Variants in AGPS observed in about 807,000 individuals in gnomAD.
AGPS encodes alkylglycerone phosphate synthase.
Under a neutral mutation model 90.7 loss-of-function variants are expected in AGPS, and 26 were observed. The ratio of observed to expected loss-of-function variants is 0.29; its 90% CI spans 0.21 to 0.40. AGPS has a LOEUF of 0.40. Among genes scored for constraint, AGPS ranks in the 10% least tolerant of loss-of-function variants. The probability of loss-of-function intolerance (pLI) is 1.00; values close to 1 mark genes in which losing one functional copy is unlikely to be tolerated. For missense variants in AGPS, 540 were observed against 816.1 expected, an observed-to-expected ratio of 0.66 and a Z score of 4.12; for synonymous variants, 294 against 285.3, an observed-to-expected ratio of 1.03 and a Z score of -0.31.
chr2:177,405,399 T>A (rs1276602878), intron 1 of AGPS, among the ~76,000 whole-genome samples: 3 of 152,254 alleles, frequency 2.0e-5, no homozygotes, highest in African/African-American at 7.2e-5. Context: ...ATCTGCTCAT[T>A]GTTTTTGATG....
intron 1 of AGPS, among the ~76,000 whole-genome samples, chr2:177,403,721 C>A (rs557284562): frequency 2.6e-5 from 4 of 152,280 alleles, no homozygotes; most frequent in Admixed American, 1.3e-4. Flanking sequence ...TGAGGTCACG[C>A]CATAATAATG....
In AGPS at chr2:177,462,666, G is replaced by GA. The variant is rs573932961; in HGVS notation, c.996+657dup. ...ACCAAATGCAGCTCAAAAATATTTG[G>GA]AAAAAAAAATAACAATACCACAAGG... is the stretch of plus-strand genomic sequence containing the variant. On this transcript the variant is annotated intron_variant, in intron 9 of 19. Coordinates refer to ENST00000264167, the MANE Select transcript of AGPS (RefSeq NM_003659.4). Among the ~76,000 whole-genome samples the GA allele has an allele frequency of 6.7e-3, 983 of 147,458 alleles. 9 individuals carry two copies. Among genetic ancestry groups the GA allele is most frequent in the African/African-American group, 0.023 (942 of 40,172 alleles).
intron 1 of AGPS, among the ~76,000 whole-genome samples, chr2:177,396,091 G>A: frequency 7.3e-6 from 1 of 136,546 alleles, no homozygotes; most frequent in Non-Finnish European, 1.6e-5. Context: ...GGGTGGGAGG[G>A]TGGGGGTGGT....
intron 1 of AGPS, among the ~76,000 whole-genome samples, chr2:177,416,657 C>T (rs1381284555): frequency 6.6e-6 from 1 of 152,010 alleles, no homozygotes; most frequent in Non-Finnish European, 1.5e-5. Context: ...TCCTGAGCAC[C>T]TGGGACTACA....
At chr2:177,448,718 A>T (rs1290382363) in intron 8 of AGPS, among the ~76,000 whole-genome samples, 1 of 152,204 alleles carries the variant, frequency 6.6e-6, no homozygotes, top group African/African-American at 2.4e-5. Context: ...AATGTGTACA[A>T]TTTGATAAGT....
intron 10 of AGPS, among the ~76,000 whole-genome samples, chr2:177,473,887 G>A (rs1030880560): frequency 6.6e-6 from 1 of 152,180 alleles, no homozygotes; most frequent in Non-Finnish European, 1.5e-5. Flanking sequence ...GTAATGCAAT[G>A]CCTCGTTTTA....
rs777992602 is a variant in AGPS, at chr2:177,468,509, A to G, written c.1090A>G (p.Ile364Val). Reference sequence around the variant, plus strand: ...AACAGGCCCTGATATCCATCACTTCATCATGGGATCTGAAGGTAAATATAA... The same window carrying G: ...AACAGGCCCTGATATCCATCACTTCGTCATGGGATCTGAAGGTAAATATAA... Reference protein sequence around the residue: ...MSTGPDIHHFIMGSEGTLGVI... With the variant: ...MSTGPDIHHFVMGSEGTLGVI... The change falls in exon 10 of 20, where the codon ATC becomes GTC. Residue 364 changes from isoleucine to valine, a missense_variant. Physicochemically the swap from Ile to Val is conservative, Grantham distance 29. This residue lies in a region of AGPS where 405 missense variants were observed against 692.1 expected (regional missense o/e 0.59). Coordinates refer to ENST00000264167, the MANE Select transcript of AGPS (RefSeq NM_003659.4). The G allele has an allele frequency of 1.9e-6, 3 of 1,610,128 alleles. No homozygotes were observed. The highest frequency in any genetic ancestry group is 1.7e-5 in the Admixed American group (1 of 59,984).
At position 177,540,411 on chromosome 2, in the gene AGPS, C is replaced by T. The variant is rs1387443795; in HGVS notation, c.*2216C>T. 6.6e-6 allele frequency: 1 copy of T among 151,936 alleles called. No individual in the cohort carries two copies. The highest frequency in any genetic ancestry group is 2.4e-5 in the African/African-American group (1 of 41,376). 9.4% of individuals were successfully genotyped at this position (151,936 alleles called of 1,614,324 possible). A position where few individuals can be genotyped will look rare whatever the true frequency, so the allele number is the denominator to read the frequency against. On this transcript the variant is annotated 3_prime_UTR_variant, in exon 20 of 20. Transcript: ENST00000264167. ...CATTTCTACCGAAATCATTTTGAAA[C>T]ACAAGAATATTGATCAGTACTGTTT...
At chr2:177,416,983 T>C (rs1559037579) in intron 1 of AGPS, among the ~76,000 whole-genome samples, 1 of 152,248 alleles carries the variant, frequency 6.6e-6, no homozygotes, top group Non-Finnish European at 1.5e-5. Flanking sequence ...TTAATCATTC[T>C]TCATTTTAGT....
chr2:177,478,732 T>C (rs1211529289), intron 10 of AGPS, among the ~76,000 whole-genome samples: 1 of 152,086 alleles, frequency 6.6e-6, no homozygotes, highest in African/African-American at 2.4e-5. Flanking sequence ...TGATGTGACA[T>C]TGTCATCAGA....
At chr2:177,485,412 G>A (rs983142996) in intron 11 of AGPS, among the ~76,000 whole-genome samples, 3 of 151,952 alleles carry the variant, frequency 2.0e-5, no homozygotes, top group East Asian at 1.9e-4. Context: ...CAACATTTCC[G>A]CCATAAATAG....
At chr2:177,407,933 T>C (rs1685510944) in intron 1 of AGPS, among the ~76,000 whole-genome samples, 1 of 151,806 alleles carries the variant, frequency 6.6e-6, no homozygotes, top group African/African-American at 2.4e-5. Context: ...GGATTATAGG[T>C]ATGTGCCACC....
At chr2:177,532,547 G>A (rs1028215385) in intron 19 of AGPS, among the ~76,000 whole-genome samples, 4 of 152,164 alleles carry the variant, frequency 2.6e-5, no homozygotes, top group African/African-American at 9.7e-5. Flanking sequence ...CTGGAAAACA[G>A]TTTGGCAGTT....
intron 12 of AGPS, among the ~76,000 whole-genome samples, chr2:177,493,665 A>T (rs1574008370): frequency 6.6e-6 from 1 of 152,158 alleles, no homozygotes; most frequent in Admixed American, 6.5e-5. Context: ...GTTACATGAG[A>T]TAAAGTTGGT....
chr2:177,463,928 T>TATTTA (rs1687371420), intron 9 of AGPS, among the ~76,000 whole-genome samples: 2 of 152,116 alleles, frequency 1.3e-5, no homozygotes, highest in Non-Finnish European at 2.9e-5. Context: ...TAGTGCATTT[T>TATTTA]ATTTTATTTT....
chr2:177,483,053 T>G (rs1687991847), intron 11 of AGPS, among the ~76,000 whole-genome samples: 2 of 151,872 alleles, frequency 1.3e-5, no homozygotes, highest in South Asian at 4.2e-4. Flanking sequence ...GACAAGGGAG[T>G]TTTTGATGTG....
At chr2:177,473,524 C>T (rs1232037098) in intron 10 of AGPS, among the ~76,000 whole-genome samples, 1 of 151,584 alleles carries the variant, frequency 6.6e-6, no homozygotes, top group African/African-American at 2.4e-5. Context: ...TGTCACATTG[C>T]CATGGAGTTA....
rs1302899718 is a variant in AGPS, at chr2:177,538,484, G to A, written c.*289G>A. 2 of 401,234 alleles carry A rather than the reference G, an allele frequency of 5.0e-6. No individual in the cohort carries two copies. The highest frequency in any genetic ancestry group is 9.2e-6 in the Non-Finnish European group (2 of 217,834). 24.9% of individuals were successfully genotyped at this position (401,234 alleles called of 1,614,324 possible). A position where few individuals can be genotyped will look rare whatever the true frequency, so the allele number is the denominator to read the frequency against. ...GTCAATTATTCCAGAGGAAGCTGCTGCCAGCTGTTTTGTATTGTTGCTTCC... is the reference window on the plus strand; with the variant it reads ...GTCAATTATTCCAGAGGAAGCTGCTACCAGCTGTTTTGTATTGTTGCTTCC... On this transcript the variant is annotated 3_prime_UTR_variant, in exon 20 of 20. Coordinates refer to ENST00000264167, the MANE Select transcript of AGPS (RefSeq NM_003659.4).
At chr2:177,396,919 C>T (rs1032829745) in intron 1 of AGPS, among the ~76,000 whole-genome samples, 3 of 147,912 alleles carry the variant, frequency 2.0e-5, no homozygotes, top group Non-Finnish European at 4.5e-5. Context: ...ATGAAGTTGG[C>T]ACCAATTACT....
Sources: allele counts gnomAD v4.1 joint callset (sites outside exome capture counted in the v4.1 genomes callset), GRCh38; gene constraint gnomAD v4.1.1; regional missense constraint gnomAD v4.1.1; transcripts MANE v1.5; gene names NCBI Gene and HGNC (gene_info 2026-07-23, HGNC 2026-07-21).